Variants in GALNT14 observed in about 807,000 individuals in gnomAD.
GALNT14 encodes the protein polypeptide N-acetylgalactosaminyltransferase 14, also known as UDP-GalNAc:polypeptide N-acetylgalactosaminyltransferase 14.
GALNT14 carries 60 observed loss-of-function variants against 77.5 expected under a neutral mutation model. The observed-to-expected ratio is 0.77, with a 90% confidence interval of 0.63 to 0.96. GALNT14 has a LOEUF of 0.96. GALNT14 is among the 40% of genes least tolerant of loss of function. The pLI is 0.00. For missense variants in GALNT14, 710 were observed against 731.0 expected, an observed-to-expected ratio of 0.97 and a Z score of 0.33; for synonymous variants, 280 against 281.7, an observed-to-expected ratio of 0.99 and a Z score of 0.06.
chr2:30,913,802 C>G (rs1435945712), intron 13 of GALNT14, among the ~76,000 whole-genome samples: 1 of 152,174 alleles, frequency 6.6e-6, no homozygotes, highest in Non-Finnish European at 1.5e-5. Flanking sequence ...ATAGATGAAA[C>G]AAGACTGTCC....
At chr2:31,101,082 AC>A (rs1677251709) in intron 1 of GALNT14, among the ~76,000 whole-genome samples, 1 of 152,064 alleles carries the variant, frequency 6.6e-6, no homozygotes, top group African/African-American at 2.4e-5. Flanking sequence ...TGAGTCAGGG[AC>A]CACCAGAATA....
At chr2:30,898,446 C>T in the GALNT14 span, among the ~76,000 whole-genome samples, 1 of 152,166 alleles carries the variant, frequency 6.6e-6, no homozygotes, top group African/African-American at 2.4e-5. Context: ...AGGTGCCTGG[C>T]TCTGTACTGA....
chr2:31,064,332 G>C (rs1178149800), intron 1 of GALNT14, among the ~76,000 whole-genome samples: 1 of 152,212 alleles, frequency 6.6e-6, no homozygotes, highest in African/African-American at 2.4e-5. Flanking sequence ...AATAATATAA[G>C]ATGGTAAATT....
intron 1 of GALNT14, among the ~76,000 whole-genome samples, chr2:31,030,965 G>A (rs1017330147): frequency 6.6e-6 from 1 of 152,170 alleles, no homozygotes; most frequent in African/African-American, 2.4e-5. Context: ...CCCAGCTGAA[G>A]GCCAGAAAGC....
In GALNT14 at chr2:30,942,290, G is replaced by C; in HGVS notation, c.842C>G (p.Ala281Gly). Residue 281 changes from alanine (A) to glycine (G), a missense_variant, in exon 9 of 15, where the codon GCT (alanine) becomes GGT (glycine). Coordinates refer to ENST00000349752, the MANE Select transcript of GALNT14 (RefSeq NM_024572.4). ...PTEPIRTPII[A>G]GGLFVIDKAW... is the part of the protein sequence containing the mutation. ...TTTGTCGATCACGAAGAGCCCTCCA[G>C]CTATGATAGGAGTCCTGTGCATTTG... is the stretch of plus-strand genomic sequence containing the variant. The C allele has an allele frequency of 6.2e-7, 1 of 1,613,604 alleles. No individual in the cohort carries two copies.
At chr2:31,059,862 C>T (rs1229214133) in intron 1 of GALNT14, among the ~76,000 whole-genome samples, 1 of 152,214 alleles carries the variant, frequency 6.6e-6, no homozygotes, top group Non-Finnish European at 1.5e-5. Flanking sequence ...GCCTTCATAA[C>T]TGTGAGCAGT....
intron 1 of GALNT14, among the ~76,000 whole-genome samples, chr2:31,084,902 G>T (rs1464862683): frequency 6.6e-6 from 1 of 152,086 alleles, no homozygotes; most frequent in African/African-American, 2.4e-5. Context: ...GCATGCACCT[G>T]TAATCCCAGC....
At chr2:31,016,096 G>T (rs78140531) in intron 1 of GALNT14, among the ~76,000 whole-genome samples, 3 of 152,090 alleles carry the variant, frequency 2.0e-5, no homozygotes, top group African/African-American at 7.2e-5. Flanking sequence ...CATAGACCAC[G>T]GGGCTTAAAC....
intron 1 of GALNT14, among the ~76,000 whole-genome samples, chr2:31,082,676 A>G (rs547962146): frequency 4.1e-4 from 62 of 152,332 alleles, no homozygotes; most frequent in African/African-American, 1.3e-3. Context: ...AAAGTGCTCA[A>G]TGTTAGTTAC....
intron 1 of GALNT14, among the ~76,000 whole-genome samples, chr2:31,095,892 ATATT>A (rs1676977431): frequency 6.6e-6 from 1 of 152,172 alleles, no homozygotes; most frequent in African/African-American, 2.4e-5. Context: ...AAAGCAAGAC[ATATT>A]TATTATCCTG....
chr2:31,121,543 T>A (rs1433479962), intron 1 of GALNT14, among the ~76,000 whole-genome samples: 1 of 152,170 alleles, frequency 6.6e-6, no homozygotes, highest in Non-Finnish European at 1.5e-5. Context: ...AGAACAAAAA[T>A]AAGCAAACGG....
intron 1 of GALNT14, among the ~76,000 whole-genome samples, chr2:31,109,587 C>A (rs1677735073): frequency 6.6e-6 from 1 of 152,180 alleles, no homozygotes; most frequent in African/African-American, 2.4e-5. Flanking sequence ...CACATAAACA[C>A]ACAGACATAG....
intron 2 of GALNT14, among the ~76,000 whole-genome samples, chr2:30,970,482 G>C (rs1029703271): frequency 2.0e-5 from 3 of 152,170 alleles, no homozygotes; most frequent in Admixed American, 6.5e-5. Flanking sequence ...AGCTAGAATT[G>C]CTATCATCAC....
At chr2:30,901,634 C>T in the GALNT14 span, among the ~76,000 whole-genome samples, 1 of 150,952 alleles carries the variant, frequency 6.6e-6, no homozygotes, top group Non-Finnish European at 1.5e-5. Flanking sequence ...TCCTTTAATA[C>T]ATATATGATT....
intron 13 of GALNT14, among the ~76,000 whole-genome samples, chr2:30,923,299 G>A (rs1317723058): frequency 6.6e-6 from 1 of 151,998 alleles, no homozygotes; most frequent in Non-Finnish European, 1.5e-5. Flanking sequence ...CCGGACCTTA[G>A]GTGATCCACC....
chr2:31,090,498 T>G (rs981030185), intron 1 of GALNT14, among the ~76,000 whole-genome samples: 28 of 139,756 alleles, frequency 2.0e-4, no homozygotes, highest in Admixed American at 4.3e-4. Context: ...TTTTTTTTTT[T>G]TTTTTTTTTT....
chr2:30,924,273 A>G lies in GALNT14; in HGVS notation c.1236-10T>C, dbSNP rs1411718978. The G allele has an allele frequency of 6.2e-7, 1 of 1,613,796 alleles. No homozygotes were observed. The highest frequency in any genetic ancestry group is 8.5e-7 in the Non-Finnish European group (1 of 1,179,808). On this transcript the variant is annotated splice_polypyrimidine_tract_variant and intron_variant, in intron 12 of 14. Coordinates refer to ENST00000349752, the MANE Select transcript of GALNT14 (RefSeq NM_024572.4). ...GGACTCCTTGGGGATGCTGGAGGAG[A>G]GTCACAGGGAGAGAGGAGAGTCCAC...
intron 9 of GALNT14, among the ~76,000 whole-genome samples, chr2:30,936,073 G>A (rs1261989064): frequency 1.3e-5 from 2 of 152,162 alleles, no homozygotes; most frequent in African/African-American, 4.8e-5. Context: ...TGAATTCCAG[G>A]CATGCAGATG....
chr2:31,001,821 T>C lies in GALNT14; in HGVS notation c.130-8814A>G, dbSNP rs371469980. 2.3e-3 allele frequency among the ~76,000 whole-genome samples: 350 copies of C among 152,042 alleles called. 15 individuals are homozygous for C. The South Asian group carries it at 0.053, about 23-fold the overall frequency. On this transcript the variant is annotated intron_variant, in intron 1 of 14. Transcript: ENST00000349752. ...GTATAATGTAACAAAACTATACTTG[T>C]ACTCCCCAAATGTATACAAATAAAA...
Sources: allele counts gnomAD v4.1 joint callset (sites outside exome capture counted in the v4.1 genomes callset), GRCh38; gene constraint gnomAD v4.1.1; transcripts MANE v1.5; gene names NCBI Gene and HGNC (gene_info 2026-07-23, HGNC 2026-07-21).